PDE4D: variants seen among roughly 807,000 people sequenced by gnomAD.
PDE4D encodes the protein phosphodiesterase 4D.
PDE4D carries 24 observed loss-of-function variants against 87.4 expected under a neutral mutation model. The ratio of observed to expected loss-of-function variants is 0.27; its 90% CI spans 0.20 to 0.39. PDE4D has a LOEUF of 0.39. PDE4D is among the 10% of genes least tolerant of loss of function. PDE4D has a pLI of 1.00. For missense variants in PDE4D, 714 were observed against 1,041.0 expected (o/e 0.69, Z 4.32); for synonymous variants, 384 against 383.2 (o/e 1.00, Z -0.02).
chr5:59,646,464 G>A (rs1742463087), intron 1 of PDE4D, among the ~76,000 whole-genome samples: 1 of 152,092 alleles, frequency 6.6e-6, no homozygotes, highest in Non-Finnish European at 1.5e-5. Flanking sequence ...TTAATCAATT[G>A]ATAAAACAAT....
intron 11 of PDE4D, among the ~76,000 whole-genome samples, chr5:58,984,472 CTG>C (rs1172674514): frequency 2.0e-5 from 3 of 152,198 alleles, no homozygotes; most frequent in Admixed American, 6.5e-5. Context: ...AAAATAATCT[CTG>C]TAGCTATATC....
intron 11 of PDE4D, among the ~76,000 whole-genome samples, chr5:58,980,435 A>C (rs1744841019): frequency 6.6e-6 from 1 of 152,204 alleles, no homozygotes; most frequent in Non-Finnish European, 1.5e-5. Flanking sequence ...TGAACCAGGA[A>C]ATCAACACAG....
chr5:60,067,843 A>AT lies in PDE4D; in HGVS notation c.43-79127dup, dbSNP rs139128214. ...ATATGTGTCTTTCTATGACTCATGT[A>AT]TTTCACTTAGCACAATGTCTTTAAG... On this transcript the variant is annotated intron_variant, in intron 2 of 16. Coordinates refer to the PDE4D transcript ENST00000502484. Among the ~76,000 whole-genome samples, 1,041 of 152,260 alleles carry AT rather than the reference A, an allele frequency of 6.8e-3. 11 individuals carry two copies. The highest frequency in any genetic ancestry group is 0.024 in the African/African-American group (996 of 41,568).
intron 5 of PDE4D, among the ~76,000 whole-genome samples, chr5:59,178,190 C>T (rs755248652): frequency 1.1e-4 from 16 of 152,120 alleles, no homozygotes; most frequent in Non-Finnish European, 1.8e-4. Flanking sequence ...GGAACCTTCC[C>T]CTGCTACTGC....
At position 59,842,951 on chromosome 5, in the gene PDE4D, T is replaced by A. The variant is rs1255003126; in HGVS notation, c.455+50217A>T. The stretch of plus-strand genomic sequence containing the variant: ...CTAATGGCTACACTGGCCAAATAGC[T>A]AACATAATTTCAATTTCTAGAAAAC... On this transcript the variant is annotated intron_variant, in intron 1 of 14. Transcript: ENST00000340635. Among the ~76,000 whole-genome samples the A allele has an allele frequency of 2.0e-5, 3 of 152,022 alleles. No individual in the cohort carries two copies. In the East Asian group the frequency reaches 5.8e-4, roughly 29 times the overall value.
intron 1 of PDE4D, among the ~76,000 whole-genome samples, chr5:59,742,078 G>C (rs936748171): frequency 6.6e-6 from 1 of 151,982 alleles, no homozygotes; most frequent in Admixed American, 6.6e-5. Context: ...GGAGGGTAGG[G>C]TGTGGATGGA....
At chr5:59,171,640 T>C (rs568970393) in intron 5 of PDE4D, among the ~76,000 whole-genome samples, 6 of 151,620 alleles carry the variant, frequency 4.0e-5, no homozygotes, top group Admixed American at 6.6e-5. Flanking sequence ...CATGCTTCCA[T>C]ACCTTATTCT....
chr5:59,206,422 A>C (rs1304243600), intron 2 of PDE4D, among the ~76,000 whole-genome samples: 1 of 152,212 alleles, frequency 6.6e-6, no homozygotes, highest in Non-Finnish European at 1.5e-5. Flanking sequence ...ACATCACATA[A>C]ATGTTCCAGC....
chr5:59,789,977 C>A (rs565162796), intron 1 of PDE4D, among the ~76,000 whole-genome samples: 1 of 152,162 alleles, frequency 6.6e-6, no homozygotes, highest in Non-Finnish European at 1.5e-5. Context: ...TCTTTCTGTA[C>A]GTTTCTGCAC....
chr5:60,184,056 C>A (rs1784586595), intron 2 of PDE4D, among the ~76,000 whole-genome samples: 1 of 152,082 alleles, frequency 6.6e-6, no homozygotes, highest in Admixed American at 6.6e-5. Context: ...AAGCTTGAGC[C>A]TTTCCACCAA....
chr5:60,160,357 T>A (rs1782365377), intron 2 of PDE4D, among the ~76,000 whole-genome samples: 1 of 152,130 alleles, frequency 6.6e-6, no homozygotes, highest in Non-Finnish European at 1.5e-5. Flanking sequence ...ATGGGTCAAT[T>A]CTATATTGAA....
At chr5:59,512,334 C>A (rs1248353104) in intron 1 of PDE4D, among the ~76,000 whole-genome samples, 1 of 152,092 alleles carries the variant, frequency 6.6e-6, no homozygotes, top group Non-Finnish European at 1.5e-5. Flanking sequence ...CTGGGTCAGT[C>A]AAATCAAACT....
chr5:59,729,186 G>A (rs923646417), intron 1 of PDE4D, among the ~76,000 whole-genome samples: 3 of 151,920 alleles, frequency 2.0e-5, no homozygotes, highest in African/African-American at 4.8e-5. Flanking sequence ...GCCTAGACTC[G>A]GTAGATTTTA....
At chr5:60,491,156 T>C (rs1208848676), upstream of PDE4D, 1 of 152,170 alleles carries the variant, frequency 6.6e-6, no homozygotes, top group Non-Finnish European at 1.5e-5. Context: ...TGCCTCATAG[T>C]GTAAACTGAA....
At chr5:59,411,122 C>A (rs1300537788) in intron 1 of PDE4D, among the ~76,000 whole-genome samples, 1 of 152,184 alleles carries the variant, frequency 6.6e-6, no homozygotes, top group Non-Finnish European at 1.5e-5. Context: ...ATGCAGATTT[C>A]TCATCCACCT....
At chr5:59,867,333 G>A (rs1478690745) in intron 1 of PDE4D, among the ~76,000 whole-genome samples, 1 of 151,200 alleles carries the variant, frequency 6.6e-6, no homozygotes, top group Non-Finnish European at 1.5e-5. Flanking sequence ...CATATTTTTC[G>A]ACTTCAGCTA....
intron 1 of PDE4D, among the ~76,000 whole-genome samples, chr5:59,683,007 A>T (rs1749277355): frequency 6.6e-6 from 1 of 152,230 alleles, no homozygotes; most frequent in Non-Finnish European, 1.5e-5. Context: ...ACAGAACATT[A>T]TTGGGACAAT....
chr5:59,488,236 G>C (rs1410426734), intron 1 of PDE4D, among the ~76,000 whole-genome samples: 1 of 150,454 alleles, frequency 6.6e-6, no homozygotes, highest in Non-Finnish European at 1.5e-5. Flanking sequence ...TTAAAGTGTT[G>C]CCATTTCTAA....
Position 60,124,207 on chromosome 5 carries a change from G to C in PDE4D, c.42+61350C>G, listed in dbSNP as rs541304955. Among the ~76,000 whole-genome samples the C allele has an allele frequency of 3.1e-4, 47 of 152,170 alleles. 1 individual carries two copies. Among genetic ancestry groups the C allele is most frequent in the African/African-American group, 1.1e-3 (45 of 41,510 alleles). On this transcript the variant is annotated intron_variant, in intron 2 of 16. Coordinates refer to the PDE4D transcript ENST00000502484. ...TATTTAATACTATGACAATTGCCAA[G>C]TTGGTATCTGTTTTTCCCATGTTCT...
Sources: allele counts gnomAD v4.1 joint callset (sites outside exome capture counted in the v4.1 genomes callset), GRCh38; gene constraint gnomAD v4.1.1; transcripts MANE v1.5; gene names NCBI Gene and HGNC (gene_info 2026-07-23, HGNC 2026-07-21).